The following TOX3 variants were observed in gnomAD, a reference collection of about 807,000 sequenced individuals.
The protein encoded by TOX3 is CAG trinucleotide repeat-containing gene F9 protein.
TOX3 carries 22 observed loss-of-function variants against 64.3 expected under a neutral mutation model. The observed-to-expected ratio is 0.34, with a 90% CI of 0.24 to 0.49. TOX3 has a LOEUF of 0.49. Among genes scored for constraint, TOX3 ranks in the 20% least tolerant of loss-of-function variants. The probability of loss-of-function intolerance (pLI) is 0.99; values close to 1 mark genes in which losing one functional copy is unlikely to be tolerated. For synonymous variants in TOX3, 291 were observed against 273.6 expected, an observed-to-expected ratio of 1.06 and a Z score of -0.63; for missense variants, 661 against 714.4, an observed-to-expected ratio of 0.93 and a Z score of 0.85.
chr16:52,464,907 T>C (rs1269634784), intron 2 of TOX3, among the ~76,000 whole-genome samples: 3 of 151,740 alleles, frequency 2.0e-5, no homozygotes, highest in African/African-American at 4.8e-5. Flanking sequence ...CTAGAGAGCA[T>C]AGAGCTATAT....
chr16:52,460,884 C>T (rs1440054148), intron 3 of TOX3, among the ~76,000 whole-genome samples: 1 of 152,122 alleles, frequency 6.6e-6, no homozygotes, highest in African/African-American at 2.4e-5. Flanking sequence ...TCAGGCACTG[C>T]CTGAGAAAAC....
At chr16:52,500,019 T>C (rs73588804) in intron 1 of TOX3, among the ~76,000 whole-genome samples, 9,423 of 152,210 alleles carry the variant, frequency 0.062, 764 homozygotes, top group East Asian at 0.2. Flanking sequence ...TAACAAGAGA[T>C]ATGTTTATGT....
intron 4 of TOX3, among the ~76,000 whole-genome samples, chr16:52,447,210 C>T (rs1960188482): frequency 6.6e-6 from 1 of 152,208 alleles, no homozygotes; most frequent in Admixed American, 6.5e-5. Flanking sequence ...CCCTAGATTA[C>T]AATATCGAAG....
chr16:52,532,352 A>G (rs1962869053), intron 1 of TOX3, among the ~76,000 whole-genome samples: 1 of 152,150 alleles, frequency 6.6e-6, no homozygotes, highest in Non-Finnish European at 1.5e-5. Context: ...CTGGGCCTGG[A>G]CTCAAGGGTT....
intron 2 of TOX3, 68 bp from the exon 3 acceptor site, chr16:52,464,256 AG>A: frequency 7.3e-7 from 1 of 1,372,000 alleles, no homozygotes; most frequent in Non-Finnish European, 9.5e-7. Context: ...GGGGAGGGAA[AG>A]AGAAAGACAT....
intron 5 of TOX3, 122 bp from the exon 6 acceptor site, chr16:52,444,478 G>T: frequency 3.4e-6 from 2 of 595,642 alleles, no homozygotes; most frequent in Non-Finnish European, 5.6e-6. Flanking sequence ...CCTTGGCTTT[G>T]ATTTTTAAAT....
At chr16:52,460,371 T>C (rs1290748988) in intron 3 of TOX3, among the ~76,000 whole-genome samples, 1 of 152,144 alleles carries the variant, frequency 6.6e-6, no homozygotes, top group African/African-American at 2.4e-5. Flanking sequence ...AGACAATTAT[T>C]TTACTGTCTG....
chr16:52,485,142 T>TGTATAC (rs1491283638), intron 1 of TOX3, among the ~76,000 whole-genome samples: 3 of 109,016 alleles, frequency 2.8e-5, no homozygotes, highest in East Asian at 9.2e-4. Flanking sequence ...CATATGTGTG[T>TGTATAC]ATATGTGTGT....
intron 1 of TOX3, among the ~76,000 whole-genome samples, chr16:52,512,652 C>T (rs1018140237): frequency 1.3e-5 from 2 of 152,086 alleles, no homozygotes; most frequent in Admixed American, 6.6e-5. Context: ...CTTAAAATGA[C>T]TTGGTGGGTA....
chr16:52,437,703 GCAATAACATTACAATA>G lies in TOX3; in HGVS notation c.*1506_*1521del, dbSNP rs1959789400. ...TTAGCATTCACCATCTATTTTAATCGCAATAACATTACAATACCCAGCTAGTTCTAGCCCCCTCAAA... is the reference window on the plus strand; with the variant it reads ...TTAGCATTCACCATCTATTTTAATCGCCCAGCTAGTTCTAGCCCCCTCAAA... On this transcript the variant is annotated 3_prime_UTR_variant, in exon 7 of 7. Coordinates refer to ENST00000219746, the MANE Select transcript of TOX3 (RefSeq NM_001080430.4). 6.8e-6 allele frequency among the ~76,000 whole-genome samples: 1 copy of G among 146,138 alleles called. No homozygotes were observed. The highest frequency in any genetic ancestry group is 1.5e-5 in the Non-Finnish European group (1 of 67,484).
At chr16:52,525,532 C>A (rs1596859260) in intron 1 of TOX3, among the ~76,000 whole-genome samples, 1 of 152,310 alleles carries the variant, frequency 6.6e-6, no homozygotes, top group South Asian at 2.1e-4. Flanking sequence ...ATCACTGCAA[C>A]CCAAAGTATC....
intron 1 of TOX3, among the ~76,000 whole-genome samples, chr16:52,482,824 T>C (rs1961404215): frequency 6.6e-6 from 1 of 152,198 alleles, no homozygotes; most frequent in Non-Finnish European, 1.5e-5. Context: ...GAAAAATATA[T>C]ATGGCACACA....
In TOX3 at chr16:52,489,042, A is replaced by G. The variant is rs1331101811; in HGVS notation, c.88-20468T>C. 2.6e-5 allele frequency among the ~76,000 whole-genome samples: 4 copies of G among 152,296 alleles called. No homozygotes were observed. In the East Asian group the frequency reaches 7.7e-4, roughly 29 times the overall value. On this transcript the variant is annotated intron_variant, in intron 1 of 6. Transcript: ENST00000219746. ...GCCATGAGGTATGCAGTTCTTTTGC[A>G]ACTATCACCCCAAACCAGAACTTCA...
intron 1 of TOX3, among the ~76,000 whole-genome samples, chr16:52,533,356 A>C (rs1241509232): frequency 1.3e-5 from 2 of 152,202 alleles, no homozygotes; most frequent in Non-Finnish European, 2.9e-5. Flanking sequence ...GGAAGTACAA[A>C]GACAAGGAAC....
At chr16:52,541,834 G>A (rs1432185123) in intron 1 of TOX3, among the ~76,000 whole-genome samples, 1 of 152,148 alleles carries the variant, frequency 6.6e-6, no homozygotes, top group African/African-American at 2.4e-5. Flanking sequence ...CCTCTAGTTA[G>A]GAGCAGCAGG....
intron 1 of TOX3, among the ~76,000 whole-genome samples, chr16:52,509,311 T>C (rs568794504): frequency 2.5e-3 from 376 of 152,314 alleles, no homozygotes; most frequent in Admixed American, 6.7e-3. Flanking sequence ...GAGAACATAA[T>C]ATAATTAGTT....
At chr16:52,516,163 T>C (rs1962448992) in intron 1 of TOX3, among the ~76,000 whole-genome samples, 1 of 152,198 alleles carries the variant, frequency 6.6e-6, no homozygotes, top group Non-Finnish European at 1.5e-5. Flanking sequence ...GTAATGAATA[T>C]TAATACCTAA....
At position 52,530,262 on chromosome 16, in the gene TOX3, T is replaced by C. The variant is rs45625634; in HGVS notation, c.87+16375A>G. On this transcript the variant is annotated intron_variant, in intron 1 of 6. Transcript: ENST00000219746. ...TGGTGTTACAATGGAAATTTTAGTG[T>C]GCAACTGGAATCAGGCCATGAGTTT... 5.5e-3 allele frequency among the ~76,000 whole-genome samples: 834 copies of C among 152,220 alleles called. 6 individuals are homozygous for C. Among genetic ancestry groups the C allele is most frequent in the South Asian group, 0.017 (82 of 4,812 alleles).
intron 1 of TOX3, among the ~76,000 whole-genome samples, chr16:52,525,038 A>G (rs1962697460): frequency 6.6e-6 from 1 of 152,208 alleles, no homozygotes; most frequent in Non-Finnish European, 1.5e-5. Context: ...ATTTGAGGGA[A>G]AAAAGAGAAT....
Sources: gnomAD v4.1 joint callset for allele counts (sites outside exome capture counted in the v4.1 genomes callset) on GRCh38, gnomAD v4.1.1 for gene constraint, MANE v1.5 for transcripts, NCBI Gene and HGNC (gene_info 2026-07-23, HGNC 2026-07-21) for gene names.